The following MAP4K3 variants were observed in gnomAD, a reference collection of about 807,000 sequenced individuals.
MAP4K3 encodes the protein mitogen-activated protein kinase kinase kinase kinase 3, also known as MAPK/ERK kinase kinase kinase 3.
MAP4K3 carries 94 observed loss-of-function variants against 143.5 expected under a neutral mutation model. The ratio of observed to expected loss-of-function variants is 0.65; its 90% CI spans 0.55 to 0.78. The LOEUF (loss-of-function observed/expected upper bound fraction) is 0.78, where lower values mean the gene tolerates loss of function less well. Among genes scored for constraint, MAP4K3 ranks in the 30% least tolerant of loss-of-function variants. The probability of loss-of-function intolerance (pLI) is 0.00; values close to 1 mark genes in which losing one functional copy is unlikely to be tolerated. For synonymous variants in MAP4K3, 416 were observed against 347.2 expected (o/e 1.20, Z -2.20); for missense variants, 1,077 against 1,068.1 (o/e 1.01, Z -0.12).
chr2:39,280,318 G>C lies in MAP4K3; in HGVS notation c.1668C>G (p.Pro556=), dbSNP rs750229482. The C allele has an allele frequency of 3.1e-6, 5 of 1,603,704 alleles. No individual in the cohort carries two copies. Among genetic ancestry groups the C allele is most frequent in the Non-Finnish European group, 4.3e-6 (5 of 1,173,808 alleles). ...ACFSKVFNGC[P]LKIHCASSWI... ...ATGATGATGCACAGTGAATTTTCAA[G>C]GGACACCCATTAAAAACTTTTGAAA... Residue 556 remains proline (P), a synonymous_variant, in exon 23 of 34, where the codon CCC becomes CCG. Transcript: ENST00000263881.
intron 14 of MAP4K3, 73 bp from the exon 15 acceptor site, chr2:39,308,078 T>C: frequency 1.9e-6 from 2 of 1,055,104 alleles, no homozygotes; most frequent in Non-Finnish European, 2.8e-6. Flanking sequence ...AAAGGGAAAC[T>C]TTCACAAATG....
At position 39,369,567 on chromosome 2, in the gene MAP4K3, C is replaced by T. The variant is rs184826040; in HGVS notation, c.154+8499G>A. 9.2e-5 allele frequency among the ~76,000 whole-genome samples: 14 copies of T among 152,300 alleles called. No homozygotes were observed. The East Asian group carries it at 2.7e-3, about 29-fold the overall frequency. On this transcript the variant is annotated intron_variant, in intron 2 of 33. Coordinates refer to ENST00000263881, the MANE Select transcript of MAP4K3 (RefSeq NM_003618.4). ...AATCAAACTACTACTTCCAAACAGG[C>T]CTAGTACTTTCATACTACCTTTGCT...
At chr2:39,270,604 G>T (rs1157519360) in intron 26 of MAP4K3, among the ~76,000 whole-genome samples, 2 of 152,138 alleles carry the variant, frequency 1.3e-5, no homozygotes, top group Non-Finnish European at 2.9e-5. Flanking sequence ...ACGTGGAGAG[G>T]CTGTATAATT....
At chr2:39,393,169 C>T (rs1419720688) in intron 1 of MAP4K3, among the ~76,000 whole-genome samples, 1 of 152,164 alleles carries the variant, frequency 6.6e-6, no homozygotes, top group Non-Finnish European at 1.5e-5. Context: ...ATTAAGTGAG[C>T]TCATTAGAAA....
At chr2:39,262,211 A>G (rs1680598782) in intron 28 of MAP4K3, among the ~76,000 whole-genome samples, 1 of 152,232 alleles carries the variant, frequency 6.6e-6, no homozygotes. Context: ...AACGGGGGAT[A>G]TCCTAACAGG....
intron 26 of MAP4K3, among the ~76,000 whole-genome samples, chr2:39,270,742 C>T (rs1013542222): frequency 1.6e-4 from 24 of 152,036 alleles, no homozygotes; most frequent in Non-Finnish European, 3.5e-4. Context: ...AACCATGAGG[C>T]TCTTTATCAT....
At chr2:39,252,384 A>G (rs1680185159) in intron 32 of MAP4K3, among the ~76,000 whole-genome samples, 1 of 152,264 alleles carries the variant, frequency 6.6e-6, no homozygotes, top group South Asian at 2.1e-4. Flanking sequence ...GCCTTATGCA[A>G]GATGGGATAG....
rs761936602 is a variant in MAP4K3 at position 39,436,982 on chromosome 2, G to A, written c.6C>T (p.Asn2=). 3 of 1,610,856 alleles carry A rather than the reference G, an allele frequency of 1.9e-6. No homozygotes were observed. The Admixed American group carries it at 5.0e-5, about 27-fold the overall frequency. Residue 2 remains asparagine (N), a synonymous_variant, in exon 1 of 34, where the codon AAC becomes AAT. Transcript: ENST00000263881. M[N]PGFDLSRRNP... ...TCCGGCGGGACAAATCGAAGCCGGGGTTCATGGCGGGCCCCAGGTGCCCCC... is the reference window on the plus strand; with the variant it reads ...TCCGGCGGGACAAATCGAAGCCGGGATTCATGGCGGGCCCCAGGTGCCCCC...
At chr2:39,272,442 T>G (rs531749283) in intron 25 of MAP4K3, 40 bp downstream of exon 25, 12 of 1,599,904 alleles carry the variant, frequency 7.5e-6, no homozygotes, top group Non-Finnish European at 1.0e-5. Flanking sequence ...TAATAATAAA[T>G]AGTAACAATT....
chr2:39,312,842 T>C (rs1356826622), intron 13 of MAP4K3, among the ~76,000 whole-genome samples: 2 of 152,248 alleles, frequency 1.3e-5, no homozygotes, highest in Non-Finnish European at 2.9e-5. Flanking sequence ...CAAAATGCGG[T>C]CTGTAATAAA....
rs1039713937 is a variant in MAP4K3, at chr2:39,263,277, T to G, written c.2136+1926A>C. ...GACAAAATATACATATAGAAGTTTT[T>G]TTTTTTTTTTTTTGAGACGGAGTCT... On this transcript the variant is annotated intron_variant, in intron 28 of 33. Transcript: ENST00000263881. 3.9e-4 allele frequency among the ~76,000 whole-genome samples: 59 copies of G among 149,718 alleles called. 1 individual carries two copies. The highest frequency in any genetic ancestry group is 1.3e-3 in the Admixed American group (19 of 15,104).
At chr2:39,380,072 A>G (rs1218130636) in intron 1 of MAP4K3, among the ~76,000 whole-genome samples, 1 of 152,110 alleles carries the variant, frequency 6.6e-6, no homozygotes, top group Admixed American at 6.5e-5. Context: ...TCAGTCTAGA[A>G]TTTCCTAAAG....
intron 3 of MAP4K3, among the ~76,000 whole-genome samples, chr2:39,348,392 A>G (rs368991865): frequency 3.3e-5 from 5 of 152,250 alleles, no homozygotes; most frequent in African/African-American, 1.2e-4. Context: ...AAGATGCCTA[A>G]AATACTTTAC....
Position 39,258,409 on chromosome 2 carries a change from T to C in MAP4K3, c.2409A>G (p.Arg803=). The C allele has an allele frequency of 6.2e-7, 1 of 1,611,474 alleles. No individual in the cohort carries two copies. The change falls in exon 31 of 34, where the codon AGA becomes AGG. Residue 803 remains arginine (R), a synonymous_variant. Coordinates refer to ENST00000263881, the MANE Select transcript of MAP4K3 (RefSeq NM_003618.4). ...ATGACAATTTCCTGCTAGATTTTAA[T>C]CTTCCTTGGAGATTTACTATTTTTA... ...CCIKIVNLQG[R]LKSSRKLSSE...
intron 8 of MAP4K3, among the ~76,000 whole-genome samples, chr2:39,331,315 A>C (rs1683674485): frequency 6.6e-6 from 1 of 152,106 alleles, no homozygotes; most frequent in Non-Finnish European, 1.5e-5. Flanking sequence ...AGCGGCCAAA[A>C]ACTATTCTGT....
At chr2:39,349,655 G>A (rs11689327) in intron 3 of MAP4K3, among the ~76,000 whole-genome samples, 110,216 of 151,376 alleles carry the variant, frequency 0.73, 43,332 homozygotes, top group Non-Finnish European at 0.87. Context: ...AGAAGGGAGA[G>A]GTAACAAAAT....
chr2:39,399,989 C>G (rs1159253989), intron 1 of MAP4K3, among the ~76,000 whole-genome samples: 5 of 152,122 alleles, frequency 3.3e-5, no homozygotes, highest in African/African-American at 9.7e-5. Flanking sequence ...GTTTATAAGA[C>G]AATTTCCCCA....
chr2:39,302,296 T>C (rs1169567488), intron 15 of MAP4K3, among the ~76,000 whole-genome samples: 4 of 152,188 alleles, frequency 2.6e-5, no homozygotes, highest in Admixed American at 6.5e-5. Flanking sequence ...CCTTAAATTA[T>C]GTTATAGCAA....
chr2:39,345,921 C>CAAAAAAAAAA (rs66729858), intron 3 of MAP4K3, among the ~76,000 whole-genome samples: 2 of 15,842 alleles, frequency 1.3e-4, no homozygotes, highest in African/African-American at 4.1e-4. Context: ...GACTCTGTCT[C>CAAAAAAAAAA]AAAAAAAAAA....
Sources: gnomAD v4.1 joint callset for allele counts (sites outside exome capture counted in the v4.1 genomes callset) on GRCh38, gnomAD v4.1.1 for gene constraint, MANE v1.5 for transcripts, NCBI Gene and HGNC (gene_info 2026-07-23, HGNC 2026-07-21) for gene names.